Variants in CEP112 observed in about 807,000 individuals in gnomAD.
The protein encoded by CEP112 is centrosomal protein 112, also known as centrosomal protein of 112 kDa.
CEP112 carries 127 observed loss-of-function variants against 153.0 expected under a neutral mutation model. The observed-to-expected ratio is 0.83, with a 90% CI of 0.72 to 0.96. CEP112 has a LOEUF of 0.96. CEP112 is among the 40% of genes least tolerant of loss of function. CEP112 has a pLI of 0.00. For synonymous variants in CEP112, 358 were observed against 374.4 expected, an observed-to-expected ratio of 0.96 and a Z score of 0.51; for missense variants, 1,089 against 1,101.2, an observed-to-expected ratio of 0.99 and a Z score of 0.16.
At chr17:65,646,269 TA>T (rs1283240774) in intron 24 of CEP112, among the ~76,000 whole-genome samples, 4 of 152,244 alleles carry the variant, frequency 2.6e-5, no homozygotes, top group Non-Finnish European at 5.9e-5. Flanking sequence ...TCTACTCCTT[TA>T]TTCTTAGTTT....
At chr17:66,022,708 C>T (rs1298001744) in intron 16 of CEP112, among the ~76,000 whole-genome samples, 2 of 9,996 alleles carry the variant, frequency 2.0e-4, no homozygotes, top group African/African-American at 4.9e-4. Flanking sequence ...GACTCCGCCT[C>T]AAGAAAAAAA....
At chr17:65,684,638 A>C (rs997526569) in intron 24 of CEP112, among the ~76,000 whole-genome samples, 3 of 152,242 alleles carry the variant, frequency 2.0e-5, no homozygotes, top group African/African-American at 7.2e-5. Flanking sequence ...GTGAATAATG[A>C]AACTAAGTGA....
chr17:66,083,806 G>A (rs905472352), intron 8 of CEP112, among the ~76,000 whole-genome samples: 4 of 152,098 alleles, frequency 2.6e-5, no homozygotes, highest in African/African-American at 9.7e-5. Flanking sequence ...AGCCAAGATT[G>A]TGCCACTGCA....
intron 20 of CEP112, among the ~76,000 whole-genome samples, chr17:65,884,497 A>G (rs934576091): frequency 6.6e-6 from 1 of 152,160 alleles, no homozygotes; most frequent in African/African-American, 2.4e-5. Flanking sequence ...TAGGTAAAAT[A>G]TATTTCCTGA....
At position 66,027,506 on chromosome 17, in the gene CEP112, T is replaced by G. The variant is rs17704679; in HGVS notation, c.1651A>C (p.Lys551Gln). ...GCTTCCATAAAACATATTACCTTTT[T>G]TTCATAGATGTGTTTTAAATGACTT... ...EKSHLKHIYE[K>Q]KAHDLQSELD... Residue 551 changes from lysine (K) to glutamine (Q), a missense_variant, in exon 16 of 27, where the codon AAA (lysine) becomes CAA (glutamine). Coordinates refer to ENST00000535342, the MANE Select transcript of CEP112 (RefSeq NM_001199165.4). 1.5e-6 allele frequency: 2 copies of G among 1,340,190 alleles called. No individual in the cohort carries two copies. The highest frequency in any genetic ancestry group is 2.0e-6 in the Non-Finnish European group (2 of 1,002,752). 83.0% of individuals were successfully genotyped at this position (1,340,190 alleles called of 1,614,324 possible). A position where few individuals can be genotyped will look rare whatever the true frequency, so the allele number is the denominator to read the frequency against.
intron 20 of CEP112, among the ~76,000 whole-genome samples, chr17:65,873,278 A>G: frequency 6.6e-6 from 1 of 152,106 alleles, no homozygotes; most frequent in East Asian, 1.9e-4. Flanking sequence ...CTTACCTTAC[A>G]CTTGTCACTA....
intron 21 of CEP112, among the ~76,000 whole-genome samples, chr17:65,790,006 AC>A (rs1302244973): frequency 6.6e-6 from 1 of 152,114 alleles, no homozygotes; most frequent in Admixed American, 6.5e-5. Flanking sequence ...GCTGAAACTG[AC>A]CAAAGGAACA....
intron 19 of CEP112, chr17:65,913,892 C>T: frequency 1.0e-6 from 1 of 984,712 alleles, no homozygotes; most frequent in Non-Finnish European, 1.2e-6. Context: ...CAAAACACTT[C>T]TCCAGCACCT....
At chr17:66,140,180 A>G (rs2070628393) in intron 4 of CEP112, among the ~76,000 whole-genome samples, 1 of 152,212 alleles carries the variant, frequency 6.6e-6, no homozygotes, top group African/African-American at 2.4e-5. Context: ...TAGAGATTAT[A>G]TGATCATTTG....
chr17:65,969,641 A>T (rs2062570777), intron 17 of CEP112, among the ~76,000 whole-genome samples: 1 of 152,232 alleles, frequency 6.6e-6, no homozygotes, highest in Non-Finnish European at 1.5e-5. Flanking sequence ...ACATATTGCA[A>T]GCATATATGA....
At chr17:65,821,536 A>G (rs1457956065) in intron 21 of CEP112, among the ~76,000 whole-genome samples, 1 of 36,078 alleles carries the variant, frequency 2.8e-5, no homozygotes, top group African/African-American at 1.2e-4. Flanking sequence ...ATATATATAT[A>G]TATATTTTTT....
chr17:66,164,144 T>C (rs2071830132), intron 4 of CEP112, among the ~76,000 whole-genome samples: 1 of 152,246 alleles, frequency 6.6e-6, no homozygotes, highest in African/African-American at 2.4e-5. Context: ...TGTGAAATGT[T>C]GTATTTTATT....
chr17:65,802,219 GAA>G (rs1428836138), intron 21 of CEP112, among the ~76,000 whole-genome samples: 1 of 152,048 alleles, frequency 6.6e-6, no homozygotes, highest in African/African-American at 2.4e-5. Flanking sequence ...TGCTTTTATG[GAA>G]AAGAGACTTT....
chr17:65,923,089 G>A (rs528141207), intron 19 of CEP112, among the ~76,000 whole-genome samples: 2 of 152,202 alleles, frequency 1.3e-5, no homozygotes, highest in South Asian at 2.1e-4. Flanking sequence ...GTGTCAGAAC[G>A]ACTTTCAGTT....
At chr17:65,663,250 T>C (rs760333574) in intron 24 of CEP112, among the ~76,000 whole-genome samples, 1 of 152,230 alleles carries the variant, frequency 6.6e-6, no homozygotes, top group East Asian at 1.9e-4. Flanking sequence ...CTTTGTCATA[T>C]CCAGTAATCT....
chr17:66,141,845 G>A (rs1470809376), intron 4 of CEP112, among the ~76,000 whole-genome samples: 1 of 152,182 alleles, frequency 6.6e-6, no homozygotes, highest in Non-Finnish European at 1.5e-5. Context: ...AGTGAACACA[G>A]GAGTACAGAC....
chr17:65,703,523 GAA>G (rs35175056), intron 23 of CEP112, among the ~76,000 whole-genome samples: 106 of 125,614 alleles, frequency 8.4e-4, no homozygotes, highest in Middle Eastern at 4.1e-3. Flanking sequence ...AAAAAAGAAG[GAA>G]AAAAAAAAAA....
intron 20 of CEP112, among the ~76,000 whole-genome samples, chr17:65,862,934 G>T (rs1024907937): frequency 6.6e-6 from 1 of 151,860 alleles, no homozygotes; most frequent in Non-Finnish European, 1.5e-5. Context: ...ATATTACATG[G>T]CTTCATTATT....
chr17:65,985,308 T>C (rs1568339371), intron 17 of CEP112, among the ~76,000 whole-genome samples: 1 of 152,086 alleles, frequency 6.6e-6, no homozygotes, highest in East Asian at 1.9e-4. Context: ...GGTGGAAGGA[T>C]TGGTACAAAG....
Sources: allele counts gnomAD v4.1 joint callset (sites outside exome capture counted in the v4.1 genomes callset), GRCh38; gene constraint gnomAD v4.1.1; transcripts MANE v1.5; gene names NCBI Gene and HGNC (gene_info 2026-07-23, HGNC 2026-07-21).